SMYD3: variants seen among roughly 807,000 people sequenced by gnomAD.
The protein encoded by SMYD3 is SET and MYND domain containing 3, also known as histone-lysine N-methyltransferase SMYD3.
In SMYD3, 36 loss-of-function variants were observed where a neutral mutation model predicts 57.7. The ratio of observed to expected loss-of-function variants is 0.62; its 90% CI spans 0.48 to 0.82. The LOEUF is 0.82. Ranked by LOEUF, SMYD3 falls within the 40% of genes least tolerant of loss-of-function variation. SMYD3 has a pLI of 0.00. For missense variants in SMYD3, 515 were observed against 538.8 expected, an observed-to-expected ratio of 0.96 and a Z score of 0.44; for synonymous variants, 211 against 195.0, an observed-to-expected ratio of 1.08 and a Z score of -0.68.
chr1:246,416,292 A>C (rs2067059602), intron 1 of SMYD3, among the ~76,000 whole-genome samples: 1 of 152,236 alleles, frequency 6.6e-6, no homozygotes, highest in Admixed American at 6.5e-5. Flanking sequence ...GGAACAAGAA[A>C]AAAGTTTTAC....
intron 5 of SMYD3, among the ~76,000 whole-genome samples, chr1:246,282,736 G>C (rs2148575928): frequency 6.6e-6 from 1 of 152,216 alleles, no homozygotes; most frequent in South Asian, 2.1e-4. Flanking sequence ...GTTGCTTCTA[G>C]CAGATGAGAC....
At chr1:245,767,493 C>T (rs972927475) in intron 10 of SMYD3, among the ~76,000 whole-genome samples, 2 of 152,164 alleles carry the variant, frequency 1.3e-5, no homozygotes, top group African/African-American at 2.4e-5. Context: ...GGTGAAACCC[C>T]GTCAATATGT....
At chr1:245,798,031 C>T (rs887695530) in intron 10 of SMYD3, among the ~76,000 whole-genome samples, 6 of 152,106 alleles carry the variant, frequency 3.9e-5, no homozygotes, top group African/African-American at 1.4e-4. Flanking sequence ...CATTCGGCAT[C>T]AACGTCCAGT....
In SMYD3 at chr1:246,273,724, A is replaced by G. The variant is rs114368837; in HGVS notation, c.531+53477T>C. Among the ~76,000 whole-genome samples, 305 of 151,644 alleles carry G rather than the reference A, an allele frequency of 2.0e-3. 2 individuals carry two copies. Among genetic ancestry groups the G allele is most frequent in the African/African-American group, 7.0e-3 (289 of 41,318 alleles). ...CTCAGCCTCCTGAGTAGCTGGAATTACTGGTGCCCACTATCACACCCTGCT... is the reference window on the plus strand; with the variant it reads ...CTCAGCCTCCTGAGTAGCTGGAATTGCTGGTGCCCACTATCACACCCTGCT... On this transcript the variant is annotated intron_variant, in intron 5 of 11. Coordinates refer to ENST00000490107, the MANE Select transcript of SMYD3 (RefSeq NM_001167740.2).
At chr1:245,869,391 C>T (rs1462962417) in intron 8 of SMYD3, among the ~76,000 whole-genome samples, 1 of 152,204 alleles carries the variant, frequency 6.6e-6, no homozygotes, top group Admixed American at 6.5e-5. Flanking sequence ...TCTTCCTTTT[C>T]CTGGCCCTCA....
At chr1:245,984,764 G>A (rs2058669634) in intron 5 of SMYD3, among the ~76,000 whole-genome samples, 1 of 152,040 alleles carries the variant, frequency 6.6e-6, no homozygotes, top group Admixed American at 6.6e-5. Flanking sequence ...CTTTCCCTAA[G>A]CATATAAACA....
At chr1:246,116,204 ACACAC>A (rs2061340676) in intron 5 of SMYD3, among the ~76,000 whole-genome samples, 1 of 4,674 alleles carries the variant, frequency 2.1e-4, no homozygotes, top group Non-Finnish European at 5.6e-4. Context: ...TGAGATGGAC[ACACAC>A]ACACACACAC....
intron 1 of SMYD3, among the ~76,000 whole-genome samples, chr1:246,473,306 A>AGAATAT (rs976783103): frequency 3.3e-5 from 5 of 152,218 alleles, no homozygotes; most frequent in Admixed American, 1.3e-4. Flanking sequence ...GTTTGAGTTC[A>AGAATAT]GAATATATTT....
intron 5 of SMYD3, among the ~76,000 whole-genome samples, chr1:246,261,083 G>A (rs1558358035): frequency 6.6e-6 from 1 of 151,778 alleles, no homozygotes; most frequent in Non-Finnish European, 1.5e-5. Context: ...ATTTGAGACG[G>A]CGTCTCACTC....
chr1:246,049,353 G>C (rs1340521927), intron 5 of SMYD3, among the ~76,000 whole-genome samples: 5 of 152,082 alleles, frequency 3.3e-5, no homozygotes, highest in Admixed American at 6.5e-5. Context: ...CTGGAGTGCA[G>C]GGGTGCAACC....
At chr1:246,285,323 C>T (rs1366451892) in intron 5 of SMYD3, among the ~76,000 whole-genome samples, 1 of 152,134 alleles carries the variant, frequency 6.6e-6, no homozygotes, top group African/African-American at 2.4e-5. Flanking sequence ...AGTAATATTC[C>T]ATCATGTATA....
At chr1:246,341,144 G>C (rs58192117) in intron 2 of SMYD3, among the ~76,000 whole-genome samples, 6,274 of 152,256 alleles carry the variant, frequency 0.041, 435 homozygotes, top group African/African-American at 0.14. Context: ...TGGAGTTTAT[G>C]AATAAAAACA....
chr1:246,132,106 G>A (rs1054551351), intron 5 of SMYD3, among the ~76,000 whole-genome samples: 23 of 150,358 alleles, frequency 1.5e-4, no homozygotes, highest in African/African-American at 5.1e-4. Flanking sequence ...GCCCATCGGC[G>A]ACTTGGCTGA....
intron 5 of SMYD3, among the ~76,000 whole-genome samples, chr1:246,220,913 G>C (rs1213330406): frequency 6.6e-6 from 1 of 152,116 alleles, no homozygotes; most frequent in Non-Finnish European, 1.5e-5. Flanking sequence ...TCTCTAGACT[G>C]AGAGCTGCAG....
At chr1:246,190,914 G>T (rs766472112) in intron 5 of SMYD3, among the ~76,000 whole-genome samples, 6 of 152,140 alleles carry the variant, frequency 3.9e-5, no homozygotes, top group Non-Finnish European at 8.8e-5. Flanking sequence ...GCCAGTATCA[G>T]AAAAGCATAC....
At position 246,202,085 on chromosome 1, in the gene SMYD3, T is replaced by C. The variant is rs141762887; in HGVS notation, c.531+125116A>G. ...TACATACATAGAAAAACTGGAAATA[T>C]GTACTGCAAAATAATAATTATTATT... On this transcript the variant is annotated intron_variant, in intron 5 of 11. Transcript: ENST00000490107. This position sits in a 1 kb window ranked among gnomAD's most constrained non-coding sequence, Gnocchi z 4.1. Among the ~76,000 whole-genome samples, 301 of 152,146 alleles carry C rather than the reference T, an allele frequency of 2.0e-3. 2 individuals carry two copies. Among genetic ancestry groups the C allele is most frequent in the African/African-American group, 6.8e-3 (284 of 41,514 alleles).
chr1:246,426,414 A>C (rs914192504), intron 1 of SMYD3, among the ~76,000 whole-genome samples: 9 of 152,044 alleles, frequency 5.9e-5, no homozygotes, highest in Admixed American at 4.6e-4. Flanking sequence ...CCCTATCCCT[A>C]CCCCATCTCG....
At chr1:246,194,166 GGTT>G (rs961941949) in intron 5 of SMYD3, among the ~76,000 whole-genome samples, 2 of 152,124 alleles carry the variant, frequency 1.3e-5, no homozygotes, top group Non-Finnish European at 2.9e-5. Flanking sequence ...TTAACCTGTG[GGTT>G]GTTGTTTTAA....
At position 245,830,605 on chromosome 1, in the gene SMYD3, C is replaced by T. The variant is rs76907457; in HGVS notation, c.1076+27891G>A. Among the ~76,000 whole-genome samples the T allele has an allele frequency of 5.6e-3, 857 of 152,210 alleles. 19 individuals are homozygous for T. Among genetic ancestry groups the T allele is most frequent in the African/African-American group, 0.02 (824 of 41,500 alleles). On this transcript the variant is annotated intron_variant, in intron 10 of 11. Coordinates refer to ENST00000490107, the MANE Select transcript of SMYD3 (RefSeq NM_001167740.2). ...TCTTCTGTAACTCTATAGAGAATAC[C>T]CCTCTGGGGAAGTTTCTGGGCCAAA...
Sources: allele counts gnomAD v4.1 joint callset (sites outside exome capture counted in the v4.1 genomes callset), GRCh38; gene constraint gnomAD v4.1.1; non-coding constraint Gnocchi (gnomAD v3.1); transcripts MANE v1.5; gene names NCBI Gene and HGNC (gene_info 2026-07-23, HGNC 2026-07-21).